THRB: variants seen among roughly 807,000 people sequenced by gnomAD.
The protein encoded by THRB is nuclear receptor subfamily 1 group A member 2.
In THRB, 12 loss-of-function variants were observed where a neutral mutation model predicts 47.8. The observed-to-expected ratio is 0.25, with a 90% CI of 0.16 to 0.41. THRB has a LOEUF of 0.41. THRB is among the 10% of genes least tolerant of loss of function. The pLI, the probability that THRB is intolerant of heterozygous loss-of-function variation, is 1.00. For synonymous variants in THRB, 218 were observed against 212.2 expected (o/e 1.03, Z -0.24); for missense variants, 348 against 589.2 (o/e 0.59, Z 4.24).
At chr3:24,419,555 G>A (rs1464068409) in intron 1 of THRB, among the ~76,000 whole-genome samples, 1 of 151,852 alleles carries the variant, frequency 6.6e-6, no homozygotes, top group Non-Finnish European at 1.5e-5. Flanking sequence ...GAAGCCAAAT[G>A]ACTTAGCCAA....
At chr3:24,483,440 C>T (rs985908191) in intron 1 of THRB, among the ~76,000 whole-genome samples, 2 of 151,726 alleles carry the variant, frequency 1.3e-5, no homozygotes, top group Non-Finnish European at 2.9e-5. Flanking sequence ...TGTCAACATA[C>T]CAAGAATCAG....
At chr3:24,431,261 TACACACACACACAC>T (rs199810848) in intron 1 of THRB, among the ~76,000 whole-genome samples, 2 of 135,706 alleles carry the variant, frequency 1.5e-5, no homozygotes, top group East Asian at 2.2e-4. Context: ...TCTCTCTCTC[TACACACACACACAC>T]ACACACACAC....
chr3:24,367,525 T>A (rs2064563385), intron 1 of THRB, among the ~76,000 whole-genome samples: 1 of 152,204 alleles, frequency 6.6e-6, no homozygotes, highest in Admixed American at 6.5e-5. Flanking sequence ...GCCTTTGGGT[T>A]CTGGGCTCAG....
At chr3:24,416,982 T>C (rs970726455) in intron 1 of THRB, among the ~76,000 whole-genome samples, 1 of 151,926 alleles carries the variant, frequency 6.6e-6, no homozygotes, top group African/African-American at 2.4e-5. Flanking sequence ...AGAAAGCAGA[T>C]ATTTCTTTTG....
In THRB at chr3:24,117,828, T is replaced by G. The variant is rs2030930785; in HGVS notation, c.*5056A>C. The G allele has an allele frequency of 6.6e-6, 1 of 152,250 alleles. No homozygotes were observed. The highest frequency in any genetic ancestry group is 2.4e-5 in the African/African-American group (1 of 41,466). 9.4% of individuals were successfully genotyped at this position (152,250 alleles called of 1,614,324 possible). ...TTTGTTACTTGTCATAGAAAGAATCTCAATTAACATGTGTTCAGGGCAACA... is the reference window on the plus strand; with the variant it reads ...TTTGTTACTTGTCATAGAAAGAATCGCAATTAACATGTGTTCAGGGCAACA... On this transcript the variant is annotated 3_prime_UTR_variant, in exon 11 of 11. Coordinates refer to ENST00000646209, the MANE Select transcript of THRB (RefSeq NM_001354712.2).
intron 1 of THRB, among the ~76,000 whole-genome samples, chr3:24,351,875 C>A (rs73043726): frequency 6.6e-6 from 1 of 152,154 alleles, no homozygotes; most frequent in African/African-American, 2.4e-5. Context: ...TTACAGGGAA[C>A]CCTATATACT....
At chr3:24,482,743 C>A (rs1696672427) in intron 1 of THRB, among the ~76,000 whole-genome samples, 2 of 152,104 alleles carry the variant, frequency 1.3e-5, no homozygotes, top group Non-Finnish European at 2.9e-5. Flanking sequence ...GTCCTAGAGA[C>A]CTTAATCACA....
intron 1 of THRB, among the ~76,000 whole-genome samples, chr3:24,434,728 T>C (rs540358392): frequency 2.0e-5 from 3 of 152,286 alleles, no homozygotes; most frequent in African/African-American, 7.2e-5. Flanking sequence ...ACATCTTTAC[T>C]AGCTGGAGAA....
intron 4 of THRB, among the ~76,000 whole-genome samples, chr3:24,225,861 A>C (rs918069824): frequency 6.6e-6 from 1 of 151,900 alleles, no homozygotes; most frequent in Non-Finnish European, 1.5e-5. Flanking sequence ...GTTTCTGCTG[A>C]GGTTGGAAGG....
intron 1 of THRB, chr3:24,458,513 T>C (rs1490960893): frequency 6.6e-6 from 1 of 152,208 alleles, no homozygotes; most frequent in Non-Finnish European, 1.5e-5. Flanking sequence ...ACATTTTCGA[T>C]TCTTTCAGTC....
intron 1 of THRB, among the ~76,000 whole-genome samples, chr3:24,431,970 C>T (rs9881014): frequency 0.058 from 8,866 of 152,018 alleles, 897 homozygotes; most frequent in African/African-American, 0.2. Context: ...GGAAGATATA[C>T]GCACATATGT....
chr3:24,237,038 A>G (rs2048943504), intron 3 of THRB, among the ~76,000 whole-genome samples: 1 of 152,220 alleles, frequency 6.6e-6, no homozygotes, highest in Non-Finnish European at 1.5e-5. Context: ...TCAGTAAGAG[A>G]AAAAATATGA....
intron 3 of THRB, among the ~76,000 whole-genome samples, chr3:24,241,708 C>T (rs1296558692): frequency 6.6e-6 from 1 of 152,266 alleles, no homozygotes; most frequent in East Asian, 1.9e-4. Context: ...CTTGCCTGCC[C>T]CTTGTACTTA....
At chr3:24,178,596 CAAAGAA>C (rs2149438177) in intron 5 of THRB, among the ~76,000 whole-genome samples, 1 of 152,234 alleles carries the variant, frequency 6.6e-6, no homozygotes, top group East Asian at 1.9e-4. Context: ...GTGTGAACGA[CAAAGAA>C]AAACTGTGAA....
intron 3 of THRB, among the ~76,000 whole-genome samples, chr3:24,263,385 C>G (rs1301812818): frequency 6.6e-6 from 1 of 152,144 alleles, no homozygotes; most frequent in Non-Finnish European, 1.5e-5. Flanking sequence ...GGTAAAGTGG[C>G]TTGCTCAAGA....
chr3:24,235,232 T>G lies in THRB; in HGVS notation c.-42-6231A>C, dbSNP rs560390186. Among the ~76,000 whole-genome samples, 37 of 152,308 alleles carry G rather than the reference T, an allele frequency of 2.4e-4. No individual in the cohort carries two copies. The South Asian group carries it at 5.4e-3, about 22-fold the overall frequency. ...CAGAGAGAACACCTCCACTCCTTCT[T>G]GTAGAACTCCAGCACGCTTGCCCTG... is the stretch of plus-strand genomic sequence containing the variant. On this transcript the variant is annotated intron_variant, in intron 3 of 10. Transcript: ENST00000646209.
At chr3:24,123,930 AACAAAGGGGTGAC>A (rs1363574935) in intron 10 of THRB, among the ~76,000 whole-genome samples, 1 of 152,192 alleles carries the variant, frequency 6.6e-6, no homozygotes, top group Non-Finnish European at 1.5e-5. Flanking sequence ...AAAAGTGGCA[AACAAAGGGGTGAC>A]ACAAGGAGGC....
intron 3 of THRB, among the ~76,000 whole-genome samples, chr3:24,258,573 A>T (rs1483280813): frequency 6.6e-6 from 1 of 152,188 alleles, no homozygotes; most frequent in Admixed American, 6.5e-5. Context: ...GACTAAAAGC[A>T]TGCAGGTGGG....
At chr3:24,247,168 C>T (rs904349583) in intron 3 of THRB, among the ~76,000 whole-genome samples, 5 of 152,004 alleles carry the variant, frequency 3.3e-5, no homozygotes, top group African/African-American at 1.2e-4. Flanking sequence ...AAATTGAGTA[C>T]AGAAAAAAGA....
Sources: gnomAD v4.1 joint callset for allele counts (sites outside exome capture counted in the v4.1 genomes callset) on GRCh38, gnomAD v4.1.1 for gene constraint, MANE v1.5 for transcripts, NCBI Gene and HGNC (gene_info 2026-07-23, HGNC 2026-07-21) for gene names.